MYO3A: variants seen among roughly 807,000 people sequenced by gnomAD.
The protein encoded by MYO3A is myosin-IIIa.
A neutral mutation model predicts 192.7 loss-of-function variants in MYO3A; 180 were observed. The ratio of observed to expected loss-of-function variants is 0.93; its 90% confidence interval spans 0.83 to 1.06. The LOEUF (loss-of-function observed/expected upper bound fraction) is 1.06, where lower values mean the gene tolerates loss of function less well. MYO3A is among the 50% of genes least tolerant of loss of function. The pLI, the probability that MYO3A is intolerant of heterozygous loss-of-function variation, is 0.00. For missense variants in MYO3A, 1,896 were observed against 1,905.0 expected (o/e 1.00, Z 0.09); for synonymous variants, 628 against 645.3 (o/e 0.97, Z 0.41).
chr10:25,957,815 GT>G (rs1022356405), intron 4 of MYO3A, among the ~76,000 whole-genome samples: 2 of 152,052 alleles, frequency 1.3e-5, no homozygotes, highest in Non-Finnish European at 2.9e-5. Flanking sequence ...ATCTCATTGT[GT>G]TTTGATTTTC....
chr10:26,194,356 T>G lies in MYO3A; in HGVS notation c.4545+1045T>G, dbSNP rs540533683. Among the ~76,000 whole-genome samples, 99 of 152,278 alleles carry G rather than the reference T, an allele frequency of 6.5e-4. No homozygotes were observed. In the South Asian group the frequency reaches 0.019, roughly 30 times the overall value. On this transcript the variant is annotated intron_variant, in intron 32 of 34. Coordinates refer to ENST00000642920, the MANE Select transcript of MYO3A (RefSeq NM_017433.5). ...GACCCGTGACTGCTTTTCAGCCTCT[T>G]TTCTTGCCCTCTTCTTGTCCTCGAG...
chr10:26,201,449 G>A (rs1283199603), intron 33 of MYO3A, 144 bp downstream of exon 33: 1 of 443,906 alleles, frequency 2.3e-6, no homozygotes, highest in African/African-American at 2.1e-5. Flanking sequence ...GGGAGGCCGA[G>A]GCGGGTGGAT....
chr10:26,171,917 T>C (rs1842066056), intron 29 of MYO3A, among the ~76,000 whole-genome samples: 1 of 152,226 alleles, frequency 6.6e-6, no homozygotes. Context: ...CTTCTGAGGA[T>C]ACCAGGGATT....
At chr10:26,203,543 G>A (rs1843774605) in intron 34 of MYO3A, among the ~76,000 whole-genome samples, 2 of 152,154 alleles carry the variant, frequency 1.3e-5, no homozygotes. Flanking sequence ...ACATTTGAGA[G>A]AAAGATTCAT....
intron 34 of MYO3A, among the ~76,000 whole-genome samples, chr10:26,205,183 A>T (rs193170708): frequency 1.8e-4 from 28 of 152,294 alleles, no homozygotes; most frequent in African/African-American, 6.5e-4. Context: ...ATGTTTTAAG[A>T]TACATGTACA....
chr10:26,105,317 A>C (rs1156737847), intron 17 of MYO3A, among the ~76,000 whole-genome samples: 1 of 152,122 alleles, frequency 6.6e-6, no homozygotes, highest in East Asian at 1.9e-4. Context: ...AGCACTTCAC[A>C]TTTCCACCAA....
At chr10:26,021,706 CA>C (rs1564468011) in intron 8 of MYO3A, 58 bp downstream of exon 8, 1 of 1,595,724 alleles carries the variant, frequency 6.3e-7, no homozygotes, top group East Asian at 2.2e-5. Flanking sequence ...CTCCAGCCAC[CA>C]AGTGTTCATC....
At chr10:26,122,559 C>G (rs1038020737) in intron 18 of MYO3A, among the ~76,000 whole-genome samples, 9 of 152,172 alleles carry the variant, frequency 5.9e-5, no homozygotes, top group African/African-American at 2.2e-4. Context: ...CATCACCTCT[C>G]ACCTGAACTA....
At chr10:25,970,156 A>C (rs1838534033) in intron 4 of MYO3A, among the ~76,000 whole-genome samples, 1 of 152,144 alleles carries the variant, frequency 6.6e-6, no homozygotes, top group Admixed American at 6.5e-5. Context: ...AAACAAGTAG[A>C]AAATTATTTG....
chr10:25,954,523 A>G (rs1266939683), intron 3 of MYO3A, among the ~76,000 whole-genome samples: 1 of 152,282 alleles, frequency 6.6e-6, no homozygotes, highest in East Asian at 1.9e-4. Flanking sequence ...TTATTATTTC[A>G]GGTCAATGGC....
intron 2 of MYO3A, among the ~76,000 whole-genome samples, chr10:25,940,267 A>T (rs1191150668): frequency 6.7e-6 from 1 of 149,700 alleles, no homozygotes. Context: ...CCTTTCTTGA[A>T]TTTTTTAATT....
At chr10:26,065,739 T>G (rs1834797571) in intron 10 of MYO3A, among the ~76,000 whole-genome samples, 1 of 151,362 alleles carries the variant, frequency 6.6e-6, no homozygotes, top group Admixed American at 6.6e-5. Flanking sequence ...ACAGAGAAAA[T>G]TCAATGATGT....
intron 10 of MYO3A, among the ~76,000 whole-genome samples, chr10:26,061,887 G>T (rs1312759916): frequency 6.6e-6 from 1 of 152,068 alleles, no homozygotes; most frequent in African/African-American, 2.4e-5. Flanking sequence ...CAATTAAATG[G>T]ATAATTGGAT....
intron 24 of MYO3A, among the ~76,000 whole-genome samples, chr10:26,154,315 G>T (rs1276938752): frequency 1.3e-5 from 2 of 152,008 alleles, no homozygotes; most frequent in Non-Finnish European, 2.9e-5. Flanking sequence ...CTGATTAGCT[G>T]GGATTACAGG....
At chr10:25,996,422 G>T (rs980003542) in intron 4 of MYO3A, 68 bp from the exon 5 acceptor site, 2 of 1,344,770 alleles carry the variant, frequency 1.5e-6, no homozygotes, top group East Asian at 2.3e-5. Flanking sequence ...TGTCTTGGAA[G>T]AACTTTTCTA....
chr10:26,068,085 T>A (rs749748962), intron 11 of MYO3A, among the ~76,000 whole-genome samples: 5 of 152,170 alleles, frequency 3.3e-5, no homozygotes, highest in Non-Finnish European at 5.9e-5. Context: ...TTCCTAGGCT[T>A]GTGGATTGCA....
chr10:26,090,024 CAT>C (rs1836601548), intron 15 of MYO3A, among the ~76,000 whole-genome samples: 1 of 152,208 alleles, frequency 6.6e-6, no homozygotes, highest in South Asian at 2.1e-4. Flanking sequence ...ACTCAGTGGA[CAT>C]GTGTGTCAGT....
chr10:26,096,369 C>CT lies in MYO3A; in HGVS notation c.1563-5dup, dbSNP rs752571350. On this transcript the variant is annotated splice_polypyrimidine_tract_variant and intron_variant, in intron 15 of 34. Transcript: ENST00000642920. ...TTACTAACTACCTTACTGTAAATAT[C>CT]TTTTTTTCCAGTGGAGAAAAAAATT... The CT allele has an allele frequency of 1.0e-5, 16 of 1,557,252 alleles. No homozygotes were observed. In the Middle Eastern group the frequency reaches 6.3e-4, roughly 61 times the overall value.
At chr10:26,104,514 C>A (rs929804099) in intron 17 of MYO3A, among the ~76,000 whole-genome samples, 2 of 152,128 alleles carry the variant, frequency 1.3e-5, no homozygotes, top group African/African-American at 2.4e-5. Context: ...TCTGGACTCT[C>A]AATTCTATCT....
Sources: gnomAD v4.1 joint callset for allele counts (sites outside exome capture counted in the v4.1 genomes callset) on GRCh38, gnomAD v4.1.1 for gene constraint, MANE v1.5 for transcripts, NCBI Gene and HGNC (gene_info 2026-07-23, HGNC 2026-07-21) for gene names.